MGAT4C: variants seen among roughly 807,000 people sequenced by gnomAD.
MGAT4C encodes alpha-1,3-mannosyl-glycoprotein 4-beta-N-acetylglucosaminyltransferase C.
Under a neutral mutation model 40.1 loss-of-function variants are expected in MGAT4C, and 19 were observed. The ratio of observed to expected loss-of-function variants is 0.47; its 90% CI spans 0.33 to 0.70. MGAT4C has a LOEUF of 0.70. Ranked by LOEUF, MGAT4C falls within the 30% of genes least tolerant of loss-of-function variation. MGAT4C has a pLI of 0.02. For synonymous variants in MGAT4C, 181 were observed against 187.1 expected (o/e 0.97, Z 0.27); for missense variants, 491 against 563.2 (o/e 0.87, Z 1.30).
At chr12:86,184,396 C>A (rs890851645) in intron 1 of MGAT4C, among the ~76,000 whole-genome samples, 2 of 150,884 alleles carry the variant, frequency 1.3e-5, no homozygotes, top group African/African-American at 4.9e-5. Flanking sequence ...AAAGCTTTTA[C>A]TTTTATTTAC....
chr12:86,326,322 AC>A (rs1279227306), intron 4 of MGAT4C, among the ~76,000 whole-genome samples: 1 of 151,664 alleles, frequency 6.6e-6, no homozygotes, highest in East Asian at 1.9e-4. Flanking sequence ...ACACACACAC[AC>A]ACACACACAC....
chr12:86,101,929 A>G (rs1329838152), intron 1 of MGAT4C, among the ~76,000 whole-genome samples: 1 of 152,138 alleles, frequency 6.6e-6, no homozygotes, highest in Non-Finnish European at 1.5e-5. Context: ...ATTTCAGATA[A>G]CAAACAATAT....
intron 2 of MGAT4C, among the ~76,000 whole-genome samples, chr12:85,997,993 G>T (rs1886822995): frequency 6.6e-6 from 1 of 152,196 alleles, no homozygotes; most frequent in Non-Finnish European, 1.5e-5. Context: ...CTCTATGAGG[G>T]CCCTGCCCCT....
intron 2 of MGAT4C, among the ~76,000 whole-genome samples, chr12:86,006,827 T>C (rs1189924961): frequency 5.9e-5 from 9 of 152,198 alleles, no homozygotes; most frequent in Non-Finnish European, 1.3e-4. Context: ...TTCCATCCAC[T>C]GACTCACATC....
At chr12:86,179,123 G>T (rs1245371993) in intron 1 of MGAT4C, among the ~76,000 whole-genome samples, 1 of 152,132 alleles carries the variant, frequency 6.6e-6, no homozygotes, top group Non-Finnish European at 1.5e-5. Context: ...ATGGTGGCTG[G>T]TCTTTCTTGT....
intron 1 of MGAT4C, among the ~76,000 whole-genome samples, chr12:86,832,655 A>G (rs2136237631): frequency 6.6e-6 from 1 of 151,924 alleles, no homozygotes; most frequent in East Asian, 1.9e-4. Context: ...TTCTCATAGT[A>G]AATATAAAAC....
chr12:86,547,430 A>T (rs981920713), intron 2 of MGAT4C, among the ~76,000 whole-genome samples: 3 of 152,056 alleles, frequency 2.0e-5, no homozygotes, highest in Admixed American at 6.6e-5. Flanking sequence ...AAATGTTTTT[A>T]AAAAATATAA....
chr12:85,990,441 C>T (rs887939509), intron 2 of MGAT4C, among the ~76,000 whole-genome samples: 1 of 152,052 alleles, frequency 6.6e-6, no homozygotes, highest in South Asian at 2.1e-4. Context: ...AACAGAGCTA[C>T]TTAGAGTTGT....
rs1046409708 is a variant in MGAT4C, at chr12:86,415,418, T to C, written c.-120+19739A>G. 8.6e-5 allele frequency among the ~76,000 whole-genome samples: 13 copies of C among 151,994 alleles called. No homozygotes were observed. The East Asian group carries it at 1.7e-3, about 20-fold the overall frequency. On this transcript the variant is annotated intron_variant, in intron 3 of 7. Coordinates refer to the MGAT4C transcript ENST00000548651. ...TACCTGTAAGAGGAGGGGATAATAA[T>C]TGAGAGAAGAGATAGTCAGTGGGCA...
rs541392668 is a variant in MGAT4C, at chr12:86,209,051, A to C, written c.-57+47188T>G. The stretch of plus-strand genomic sequence containing the variant: ...TTTCTCCAACAATAACATTAGTATC[A>C]GTATGCATAAGAACCCTGCATTAAT... On this transcript the variant is annotated intron_variant, in intron 1 of 4. Coordinates refer to ENST00000611864, the MANE Select transcript of MGAT4C (RefSeq NM_001351288.2). 4.1e-3 allele frequency among the ~76,000 whole-genome samples: 618 copies of C among 152,282 alleles called. 3 individuals are homozygous for C. The highest frequency in any genetic ancestry group is 0.014 in the African/African-American group (582 of 41,578).
intron 4 of MGAT4C, among the ~76,000 whole-genome samples, chr12:86,304,326 G>T (rs1222569582): frequency 2.0e-5 from 3 of 150,418 alleles, no homozygotes; most frequent in African/African-American, 5.0e-5. Context: ...GAAACAAGTT[G>T]TTGTTATTTT....
At chr12:86,511,531 A>C (rs77169062) in intron 2 of MGAT4C, among the ~76,000 whole-genome samples, 44 of 152,292 alleles carry the variant, frequency 2.9e-4, no homozygotes, top group African/African-American at 1.0e-3. Context: ...TTCAAACAGC[A>C]TTGTACTAAT....
At chr12:86,742,846 C>G (rs995437717) in intron 1 of MGAT4C, among the ~76,000 whole-genome samples, 22 of 151,668 alleles carry the variant, frequency 1.5e-4, no homozygotes, top group African/African-American at 5.3e-4. Flanking sequence ...AATCTTCCAT[C>G]TTGATTAAAT....
intron 1 of MGAT4C, among the ~76,000 whole-genome samples, chr12:86,763,366 A>AT (rs963632583): frequency 4.6e-5 from 7 of 151,986 alleles, no homozygotes; most frequent in East Asian, 1.9e-4. Flanking sequence ...CATATGCAGT[A>AT]TTTTTTTTCA....
chr12:86,201,642 A>G (rs762525829), intron 1 of MGAT4C, among the ~76,000 whole-genome samples: 1 of 151,714 alleles, frequency 6.6e-6, no homozygotes, highest in African/African-American at 2.4e-5. Flanking sequence ...TGTTTTGACT[A>G]TTCTAGGTCC....
At chr12:86,525,570 T>C (rs1257828015) in intron 2 of MGAT4C, among the ~76,000 whole-genome samples, 1 of 152,232 alleles carries the variant, frequency 6.6e-6, no homozygotes, top group African/African-American at 2.4e-5. Context: ...TTCGAGGGCT[T>C]ATGTTCTTTC....
At chr12:86,679,763 T>C (rs1226282250) in intron 2 of MGAT4C, among the ~76,000 whole-genome samples, 1 of 152,108 alleles carries the variant, frequency 6.6e-6, no homozygotes, top group Non-Finnish European at 1.5e-5. Context: ...AGATGTCAAA[T>C]TAGCTGTAGT....
At chr12:86,653,736 G>C (rs117304049) in intron 2 of MGAT4C, among the ~76,000 whole-genome samples, 2 of 151,556 alleles carry the variant, frequency 1.3e-5, no homozygotes, top group African/African-American at 4.9e-5. Flanking sequence ...AATGGAATGA[G>C]TTTTCACTCA....
chr12:86,765,839 G>A (rs535120590), intron 1 of MGAT4C, among the ~76,000 whole-genome samples: 3 of 152,198 alleles, frequency 2.0e-5, no homozygotes, highest in South Asian at 4.1e-4. Flanking sequence ...TCACCACCAG[G>A]CCTGCCCTAA....
Sources: allele counts gnomAD v4.1 joint callset (sites outside exome capture counted in the v4.1 genomes callset), GRCh38; gene constraint gnomAD v4.1.1; transcripts MANE v1.5; gene names NCBI Gene and HGNC (gene_info 2026-07-23, HGNC 2026-07-21).